Variants in DOCK8 observed in about 807,000 individuals in gnomAD.
The protein encoded by DOCK8 is dedicator of cytokinesis protein 8.
Under a neutral mutation model 245.6 loss-of-function variants are expected in DOCK8, and 141 were observed. The observed-to-expected ratio is 0.57, with a 90% CI of 0.50 to 0.66. The LOEUF (loss-of-function observed/expected upper bound fraction) is 0.66, where lower values mean the gene tolerates loss of function less well. Among genes scored for constraint, DOCK8 ranks in the 30% least tolerant of loss-of-function variants. DOCK8 has a pLI of 0.00. For missense variants in DOCK8, 2,965 were observed against 2,603.4 expected, an observed-to-expected ratio of 1.14 and a Z score of -3.02; for synonymous variants, 1,168 against 970.2, an observed-to-expected ratio of 1.20 and a Z score of -3.79.
chr9:437,171 A>C lies in DOCK8; in HGVS notation c.5080-2074A>C, dbSNP rs1205804449. ...CTGACAGAAGGTAAAAATGGAATTT[A>C]TCAGCCCGTCTGAGGAATGTGAGCC... On this transcript the variant is annotated intron_variant, in intron 39 of 47. Coordinates refer to ENST00000432829, the MANE Select transcript of DOCK8 (RefSeq NM_203447.4). Among the ~76,000 whole-genome samples, 7 of 152,362 alleles carry C rather than the reference A, an allele frequency of 4.6e-5. No homozygotes were observed. The East Asian group carries it at 1.3e-3, about 29-fold the overall frequency.
chr9:307,365 T>G lies in DOCK8; in HGVS notation c.528+2661T>G, dbSNP rs1306884356. On this transcript the variant is annotated intron_variant, in intron 5 of 47. Coordinates refer to ENST00000432829, the MANE Select transcript of DOCK8 (RefSeq NM_203447.4). ...TTTTTTTTTTTTTTTTTTTTTTTTT[T>G]TTTTTTTTTTTGAGATGGAGTTTTG... Among the ~76,000 whole-genome samples, 16 of 114,920 alleles carry G rather than the reference T, an allele frequency of 1.4e-4. 1 individual carries two copies. The highest frequency in any genetic ancestry group is 5.1e-4 in the African/African-American group (16 of 31,070). The allele number at this position is 114,920 out of a possible 152,430, so 75.4% of individuals were successfully genotyped here.
At chr9:219,979 G>C (rs937885606) in intron 1 of DOCK8, among the ~76,000 whole-genome samples, 2 of 152,200 alleles carry the variant, frequency 1.3e-5, no homozygotes, top group Non-Finnish European at 2.9e-5. Flanking sequence ...AGAAGTATTT[G>C]CTAATTTTAT....
rs374176250 is a variant in DOCK8 at position 344,869 on chromosome 9, C to T, written c.1679+4548C>T. Among the ~76,000 whole-genome samples the T allele has an allele frequency of 2.0e-4, 31 of 152,086 alleles. No individual in the cohort carries two copies. In the South Asian group the frequency reaches 5.4e-3, roughly 26 times the overall value. Reference sequence around the variant, plus strand: ...GAGTTCGAGACCAGCCTGGCCAACACGGTGACCCCTTGTCTCTACTAAAAA... The same window carrying T: ...GAGTTCGAGACCAGCCTGGCCAACATGGTGACCCCTTGTCTCTACTAAAAA... On this transcript the variant is annotated intron_variant, in intron 14 of 47. Transcript: ENST00000432829.
At chr9:437,972 A>G (rs2056958048) in intron 39 of DOCK8, among the ~76,000 whole-genome samples, 1 of 152,234 alleles carries the variant, frequency 6.6e-6, no homozygotes, top group Non-Finnish European at 1.5e-5. Flanking sequence ...TAGTATTAGT[A>G]TCTTGGGTTA....
intron 14 of DOCK8, among the ~76,000 whole-genome samples, chr9:360,414 T>C (rs535978073): frequency 1.3e-5 from 2 of 152,244 alleles, no homozygotes; most frequent in South Asian, 4.1e-4. Context: ...ATTTTTAAGA[T>C]TTCCCTAAGC....
At chr9:234,413 C>T (rs1053710752) in intron 1 of DOCK8, among the ~76,000 whole-genome samples, 2 of 152,126 alleles carry the variant, frequency 1.3e-5, no homozygotes, top group South Asian at 2.1e-4. Flanking sequence ...TTGTGGCGTT[C>T]TCTGTATTTT....
At chr9:311,111 C>T (rs973627986) in intron 5 of DOCK8, among the ~76,000 whole-genome samples, 2 of 151,984 alleles carry the variant, frequency 1.3e-5, no homozygotes, top group African/African-American at 4.8e-5. Flanking sequence ...TATGGTGAAA[C>T]CCTATCTCTA....
chr9:400,064 T>TCACCATCACCACCTC (rs2054724201), intron 26 of DOCK8, among the ~76,000 whole-genome samples: 1 of 16,230 alleles, frequency 6.2e-5, no homozygotes, highest in African/African-American at 3.7e-4. Flanking sequence ...ACCACCTCCT[T>TCACCATCACCACCTC]CACCATCACC....
intron 37 of DOCK8, among the ~76,000 whole-genome samples, chr9:432,910 C>T (rs940659006): frequency 6.6e-6 from 1 of 152,204 alleles, no homozygotes; most frequent in Non-Finnish European, 1.5e-5. Flanking sequence ...ATGTCCATTA[C>T]GATGACCGTG....
At chr9:351,837 A>G (rs2052184794) in intron 14 of DOCK8, among the ~76,000 whole-genome samples, 1 of 152,244 alleles carries the variant, frequency 6.6e-6, no homozygotes, top group Non-Finnish European at 1.5e-5. Context: ...AGTGGCATGT[A>G]AACCCTGCAT....
chr9:384,052 A>G (rs529041275), intron 22 of DOCK8, among the ~76,000 whole-genome samples: 7 of 152,152 alleles, frequency 4.6e-5, no homozygotes, highest in East Asian at 1.9e-4. Context: ...TCTGAATGCC[A>G]TATTACATTT....
chr9:353,820 G>A (rs1379959084), intron 14 of DOCK8, among the ~76,000 whole-genome samples: 1 of 152,118 alleles, frequency 6.6e-6, no homozygotes, highest in East Asian at 1.9e-4. Flanking sequence ...TTCAAAATGT[G>A]GTGCTTTGGG....
intron 14 of DOCK8, among the ~76,000 whole-genome samples, chr9:353,980 A>G (rs980224851): frequency 6.6e-6 from 1 of 152,180 alleles, no homozygotes; most frequent in African/African-American, 2.4e-5. Flanking sequence ...AGAAATTCTC[A>G]TGTTCTTATA....
chr9:457,946 G>A (rs892058184), intron 46 of DOCK8, among the ~76,000 whole-genome samples: 1 of 152,162 alleles, frequency 6.6e-6, no homozygotes, highest in African/African-American at 2.4e-5. Flanking sequence ...TAAGTAGCTT[G>A]TTTAAGGTTG....
intron 41 of DOCK8, 47 bp downstream of exon 41, chr9:441,464 G>A (rs1011733974): frequency 4.2e-5 from 67 of 1,612,990 alleles, no homozygotes; most frequent in Non-Finnish European, 5.3e-5. Flanking sequence ...GGTGGCAGGC[G>A]ACCCTGTCCT....
At chr9:457,306 C>T (rs1277882543) in intron 46 of DOCK8, among the ~76,000 whole-genome samples, 1 of 152,144 alleles carries the variant, frequency 6.6e-6, no homozygotes, top group Non-Finnish European at 1.5e-5. Flanking sequence ...AGTTACCTAC[C>T]CTCGGTTTCC....
At position 314,135 on chromosome 9, in the gene DOCK8, G is replaced by A. The variant is rs74650578; in HGVS notation, c.741+1969G>A. Among the ~76,000 whole-genome samples, 314 of 152,246 alleles carry A rather than the reference G, an allele frequency of 2.1e-3. 2 individuals carry two copies. The highest frequency in any genetic ancestry group is 7.2e-3 in the African/African-American group (297 of 41,532). ...GTATCTACATACATATGACTACCTG[G>A]TATGTTGGGACACATAACTGAAATC... On this transcript the variant is annotated intron_variant, in intron 6 of 47. Transcript: ENST00000432829.
intron 4 of DOCK8, among the ~76,000 whole-genome samples, chr9:299,630 A>AT (rs896000010): frequency 1.8e-4 from 27 of 147,744 alleles, no homozygotes; most frequent in East Asian, 4.0e-4. Context: ...TCACCTGTTT[A>AT]TTTTTTTTTT....
At chr9:314,451 A>G (rs1198362769) in intron 6 of DOCK8, 1 of 152,226 alleles carries the variant, frequency 6.6e-6, no homozygotes, top group Non-Finnish European at 1.5e-5. Flanking sequence ...TGAACAGATT[A>G]AAATAATGAA....
Sources: gnomAD v4.1 joint callset for allele counts (sites outside exome capture counted in the v4.1 genomes callset) on GRCh38, gnomAD v4.1.1 for gene constraint, MANE v1.5 for transcripts, NCBI Gene and HGNC (gene_info 2026-07-23, HGNC 2026-07-21) for gene names.